Variants in DCLK2 observed in about 807,000 individuals in gnomAD.
DCLK2 encodes the protein serine/threonine-protein kinase DCLK2.
DCLK2 carries 31 observed loss-of-function variants against 78.4 expected under a neutral mutation model. That is an observed-to-expected ratio of 0.40 (90% CI 0.30 to 0.53). DCLK2 has a LOEUF of 0.53. DCLK2 is among the 20% of genes least tolerant of loss of function. The pLI, the probability that DCLK2 is intolerant of heterozygous loss-of-function variation, is 0.61. For missense variants in DCLK2, 872 were observed against 973.7 expected (o/e 0.90, Z 1.39); for synonymous variants, 407 against 374.9 (o/e 1.09, Z -0.99).
chr4:150,111,193 G>T (rs1731668589), intron 2 of DCLK2, among the ~76,000 whole-genome samples: 1 of 152,064 alleles, frequency 6.6e-6, no homozygotes, highest in Admixed American at 6.5e-5. Flanking sequence ...GAGTAAGGTG[G>T]TAGGTATGTC....
intron 2 of DCLK2, among the ~76,000 whole-genome samples, chr4:150,171,236 T>A (rs1453495652): frequency 6.6e-6 from 1 of 152,222 alleles, no homozygotes; most frequent in Non-Finnish European, 1.5e-5. Flanking sequence ...ATCCCAGCAC[T>A]TTGGGAGGCC....
chr4:150,143,801 G>A (rs149285338), intron 2 of DCLK2, among the ~76,000 whole-genome samples: 1 of 152,132 alleles, frequency 6.6e-6, no homozygotes, highest in Non-Finnish European at 1.5e-5. Context: ...TCTCTGACTA[G>A]TTATATTGAG....
intron 7 of DCLK2, among the ~76,000 whole-genome samples, chr4:150,222,540 T>C (rs952936983): frequency 6.6e-6 from 1 of 152,044 alleles, no homozygotes; most frequent in African/African-American, 2.4e-5. Context: ...GAGCTCTGAC[T>C]CTGTTTAAGA....
At chr4:150,111,058 G>A (rs1731655907) in intron 2 of DCLK2, among the ~76,000 whole-genome samples, 2 of 152,100 alleles carry the variant, frequency 1.3e-5, no homozygotes, top group African/African-American at 4.8e-5. Context: ...AGAAGGCTTT[G>A]TACTGTTTTC....
chr4:150,170,683 A>G (rs1736463475), intron 2 of DCLK2, among the ~76,000 whole-genome samples: 1 of 152,200 alleles, frequency 6.6e-6, no homozygotes, highest in Non-Finnish European at 1.5e-5. Context: ...CTAGGGGGAA[A>G]TTGGAACTGC....
At chr4:150,177,315 T>C (rs1737163005) in intron 2 of DCLK2, among the ~76,000 whole-genome samples, 1 of 152,274 alleles carries the variant, frequency 6.6e-6, no homozygotes, top group African/African-American at 2.4e-5. Flanking sequence ...TTTTTCCGAG[T>C]TGATGCTCCT....
intron 1 of DCLK2, among the ~76,000 whole-genome samples, chr4:150,084,092 G>A (rs1263293948): frequency 6.6e-6 from 1 of 152,230 alleles, no homozygotes. Flanking sequence ...TTGGAGCCGA[G>A]GCCTGAGGTC....
intron 2 of DCLK2, among the ~76,000 whole-genome samples, chr4:150,158,103 A>G (rs1735447918): frequency 6.6e-6 from 1 of 152,208 alleles, no homozygotes; most frequent in Non-Finnish European, 1.5e-5. Flanking sequence ...ATTTTCTCAC[A>G]GTTCTGGAGA....
At chr4:150,223,741 C>CAA (rs1308154413) in intron 7 of DCLK2, among the ~76,000 whole-genome samples, 3 of 94,600 alleles carry the variant, frequency 3.2e-5, no homozygotes, top group Non-Finnish European at 6.7e-5. Context: ...AAGACTCTCT[C>CAA]TCAATAAATA....
At chr4:150,137,118 A>G (rs1272834065) in intron 2 of DCLK2, among the ~76,000 whole-genome samples, 1 of 150,846 alleles carries the variant, frequency 6.6e-6, no homozygotes, top group African/African-American at 2.4e-5. Flanking sequence ...ACTCATTGAG[A>G]CTATGCGTGG....
chr4:150,230,132 A>C (rs922244249), intron 8 of DCLK2, among the ~76,000 whole-genome samples: 2 of 152,214 alleles, frequency 1.3e-5, no homozygotes, highest in Non-Finnish European at 2.9e-5. Flanking sequence ...TGTGCTTAGA[A>C]TATTAGCCAT....
intron 2 of DCLK2, among the ~76,000 whole-genome samples, chr4:150,114,276 A>G (rs1731912402): frequency 6.6e-6 from 1 of 152,164 alleles, no homozygotes; most frequent in Non-Finnish European, 1.5e-5. Context: ...TCTAGAGTGT[A>G]GCTTAAATCC....
chr4:150,222,698 C>CAA (rs113361844), intron 7 of DCLK2, among the ~76,000 whole-genome samples: 7 of 139,934 alleles, frequency 5.0e-5, no homozygotes, highest in Admixed American at 4.3e-4. Flanking sequence ...ACAAGACAAA[C>CAA]AAAAAAAAAA....
intron 2 of DCLK2, among the ~76,000 whole-genome samples, chr4:150,128,439 A>G (rs1733070332): frequency 6.6e-6 from 1 of 152,140 alleles, no homozygotes; most frequent in South Asian, 2.1e-4. Context: ...ATGCATTTCC[A>G]AGAGATTTGG....
intron 8 of DCLK2, among the ~76,000 whole-genome samples, chr4:150,226,198 A>C (rs1741592239): frequency 6.7e-6 from 1 of 149,996 alleles, no homozygotes; most frequent in African/African-American, 2.4e-5. Context: ...CCAGAATGGA[A>C]AATCCAGGAG....
At chr4:150,253,574 T>A in intron 15 of DCLK2, 2 of 1,289,594 alleles carry the variant, frequency 1.6e-6, no homozygotes, top group East Asian at 5.5e-5. Context: ...CCACGCTGCG[T>A]CCGACCAGCG....
chr4:150,132,904 A>G (rs1733424308), intron 2 of DCLK2, among the ~76,000 whole-genome samples: 1 of 152,226 alleles, frequency 6.6e-6, no homozygotes, highest in African/African-American at 2.4e-5. Flanking sequence ...CTGAGATTAC[A>G]GGGATAAGCC....
intron 5 of DCLK2, among the ~76,000 whole-genome samples, chr4:150,205,294 C>G (rs1457409690): frequency 6.6e-6 from 1 of 152,142 alleles, no homozygotes; most frequent in Non-Finnish European, 1.5e-5. Context: ...GTTTGCTTGT[C>G]TTGCCCTGAG....
intron 2 of DCLK2, among the ~76,000 whole-genome samples, chr4:150,140,544 C>G (rs1013830861): frequency 6.6e-6 from 1 of 152,160 alleles, no homozygotes; most frequent in East Asian, 1.9e-4. Flanking sequence ...TGGACTTTTT[C>G]ACAAAAGCCT....
Sources: allele counts gnomAD v4.1 joint callset (sites outside exome capture counted in the v4.1 genomes callset), GRCh38; gene constraint gnomAD v4.1.1; transcripts MANE v1.5; gene names NCBI Gene and HGNC (gene_info 2026-07-23, HGNC 2026-07-21).